PCDHA4: variants seen among roughly 807,000 people sequenced by gnomAD.
PCDHA4 encodes the protein protocadherin alpha 4.
In PCDHA4, 49 loss-of-function variants were observed where a neutral mutation model predicts 61.4. The observed-to-expected ratio is 0.80, with a 90% CI of 0.63 to 1.01. The LOEUF is 1.01. PCDHA4 is among the 50% of genes least tolerant of loss of function. PCDHA4 has a pLI of 0.00. For synonymous variants in PCDHA4, 590 were observed against 550.3 expected (o/e 1.07, Z -1.01); for missense variants, 1,254 against 1,235.8 (o/e 1.01, Z -0.22).
intron 1 of PCDHA4, chr5:140,861,489 T>C (rs1263329401): frequency 2.0e-6 from 1 of 487,812 alleles, no homozygotes; most frequent in Non-Finnish European, 4.2e-6. Flanking sequence ...TTTTGTGAGT[T>C]CTCTGATAGA....
rs550257645 is a variant in PCDHA4 at position 140,858,423 on chromosome 5, A to G, written c.2385+48851A>G. 7.3e-5 allele frequency: 113 copies of G among 1,554,520 alleles called. 7 individuals carry two copies. In the South Asian group the frequency reaches 1.0e-3, roughly 14 times the overall value. On this transcript the variant is annotated intron_variant, in intron 1 of 3. Coordinates refer to ENST00000530339, the MANE Select transcript of PCDHA4 (RefSeq NM_018907.4). ...GGGGAAGATCAGTCTATTGGAGGGG[A>G]CCACTCTAGGAAGGTGGGTTATTAC...
chr5:140,876,979 G>A (rs1554169178), intron 1 of PCDHA4: 2 of 1,612,614 alleles, frequency 1.2e-6, no homozygotes, highest in South Asian at 2.2e-5. Flanking sequence ...GGGCGAGCAC[G>A]CACTGTCGAG....
chr5:140,926,441 A>G (rs1476576189), intron 1 of PCDHA4: 1 of 154,800 alleles, frequency 6.5e-6, no homozygotes, highest in African/African-American at 2.4e-5. Context: ...AGATCTGGGC[A>G]GCCTCAGGGC....
intron 1 of PCDHA4, chr5:140,966,441 C>A (rs2096002534): frequency 4.7e-6 from 2 of 424,804 alleles, no homozygotes; most frequent in South Asian, 1.8e-4. Context: ...CTACCGCTCC[C>A]TTTCCCCCTC....
intron 2 of PCDHA4, among the ~76,000 whole-genome samples, chr5:140,979,752 G>A (rs1048851264): frequency 4.6e-5 from 7 of 152,138 alleles, no homozygotes; most frequent in South Asian, 2.1e-4. Context: ...CATTATTTGC[G>A]AATGTCTTTG....
At chr5:140,853,917 C>A (rs2042908511) in intron 1 of PCDHA4, 1 of 942,718 alleles carries the variant, frequency 1.1e-6, no homozygotes, top group Non-Finnish European at 1.3e-6. Flanking sequence ...ACCTGCAATC[C>A]CAACATTTTG....
intron 1 of PCDHA4, chr5:140,824,165 A>G (rs1554129779): frequency 2.5e-6 from 4 of 1,610,830 alleles, no homozygotes; most frequent in Non-Finnish European, 3.4e-6. Flanking sequence ...TTTCCCTCCC[A>G]ATTTTCAAAT....
At chr5:140,849,614 T>C (rs2040994208) in intron 1 of PCDHA4, 1 of 1,598,700 alleles carries the variant, frequency 6.3e-7, no homozygotes, top group East Asian at 2.2e-5. Flanking sequence ...CCCTGATTAG[T>C]GTGATCGACC....
intron 1 of PCDHA4, chr5:140,875,799 C>T (rs781911910): frequency 5.6e-6 from 9 of 1,614,014 alleles, no homozygotes. Flanking sequence ...TGGAGGTGAT[C>T]GTGGACAGGC....
chr5:140,808,693 C>A lies in PCDHA4; in HGVS notation c.1506C>A (p.Arg502=). The change falls in exon 1 of 4, where the codon CGC becomes CGA. Residue 502 remains arginine, a synonymous_variant. Coordinates refer to ENST00000530339, the MANE Select transcript of PCDHA4 (RefSeq NM_018907.4). ...YSLVERRVGE[R]ALSSYVSVHA... ...TGGTAGAGCGGCGGGTAGGGGAGCGCGCGCTGTCGAGCTACGTTTCGGTGC... is the reference window on the plus strand; with the variant it reads ...TGGTAGAGCGGCGGGTAGGGGAGCGAGCGCTGTCGAGCTACGTTTCGGTGC... The A allele has an allele frequency of 6.2e-7, 1 of 1,612,144 alleles. No homozygotes were observed. The highest frequency in any genetic ancestry group is 8.5e-7 in the Non-Finnish European group (1 of 1,179,798).
chr5:140,977,665 A>G (rs1554238741), intron 1 of PCDHA4, among the ~76,000 whole-genome samples: 1 of 152,202 alleles, frequency 6.6e-6, no homozygotes, highest in Non-Finnish European at 1.5e-5. Flanking sequence ...AATTCTCTGC[A>G]TGCCAAATAT....
At chr5:140,850,986 T>A in intron 1 of PCDHA4, 1 of 1,450,124 alleles carries the variant, frequency 6.9e-7, no homozygotes, top group Non-Finnish European at 9.1e-7. Flanking sequence ...TTTATTCATT[T>A]TTCTAGAAAT....
intron 1 of PCDHA4, chr5:140,813,507 A>G (rs544423218): frequency 6.6e-6 from 1 of 152,202 alleles, no homozygotes; most frequent in Non-Finnish European, 1.5e-5. Flanking sequence ...TACAGTAAAA[A>G]CATTGTACAG....
intron 1 of PCDHA4, chr5:140,824,044 G>A: frequency 1.2e-6 from 2 of 1,614,184 alleles, no homozygotes; most frequent in Non-Finnish European, 1.7e-6. Context: ...GAGACAGAGG[G>A]TGTGCTCTGG....
intron 1 of PCDHA4, chr5:140,828,594 TA>T: frequency 6.2e-7 from 1 of 1,614,242 alleles, no homozygotes; most frequent in Non-Finnish European, 8.5e-7. Flanking sequence ...AATTCCATCT[TA>T]ACCTATAAAC....
intron 1 of PCDHA4, chr5:140,847,563 C>T (rs1288728812): frequency 1.3e-5 from 2 of 148,928 alleles, no homozygotes; most frequent in African/African-American, 2.5e-5. Context: ...GAAATTGCCC[C>T]GAGTACTAAG....
chr5:140,871,117 G>A (rs2052723130), intron 1 of PCDHA4: 1 of 1,613,286 alleles, frequency 6.2e-7, no homozygotes, highest in East Asian at 2.2e-5. Flanking sequence ...GGTGGAGAGC[G>A]GACAGGCGCC....
At chr5:140,969,410 T>C (rs528910445) in intron 1 of PCDHA4, 12 of 1,572,752 alleles carry the variant, frequency 7.6e-6, no homozygotes, top group South Asian at 1.2e-5. Flanking sequence ...TTTGGCTTTA[T>C]TGAGTCATTA....
chr5:140,831,358 T>TTG (rs1379903906), intron 1 of PCDHA4: 4 of 110,904 alleles, frequency 3.6e-5, no homozygotes, highest in Non-Finnish European at 5.7e-5. Flanking sequence ...ATTCACTATT[T>TTG]TGTATGTGTG....
Sources: gnomAD v4.1 joint callset for allele counts (sites outside exome capture counted in the v4.1 genomes callset) on GRCh38, gnomAD v4.1.1 for gene constraint, MANE v1.5 for transcripts, NCBI Gene and HGNC (gene_info 2026-07-23, HGNC 2026-07-21) for gene names.